The following ASH1L variants were observed in gnomAD, a reference collection of about 807,000 sequenced individuals.
ASH1L encodes the protein histone-lysine N-methyltransferase ASH1L.
In ASH1L, 23 loss-of-function variants were observed where a neutral mutation model predicts 269.0. The observed-to-expected ratio is 0.09, with a 90% CI of 0.06 to 0.12. The LOEUF is 0.12. Ranked by LOEUF, ASH1L falls within the 10% of genes least tolerant of loss-of-function variation. The pLI, the probability that ASH1L is intolerant of heterozygous loss-of-function variation, is 1.00. For synonymous variants in ASH1L, 1,187 were observed against 1,253.5 expected (o/e 0.95, Z 1.12); for missense variants, 2,912 against 3,567.8 (o/e 0.82, Z 4.68).
At chr1:155,498,686 C>T (rs1319915109) in intron 2 of ASH1L, among the ~76,000 whole-genome samples, 1 of 151,942 alleles carries the variant, frequency 6.6e-6, no homozygotes, top group East Asian at 1.9e-4. Flanking sequence ...GGTAATCTGC[C>T]TGCCTCAGCC....
chr1:155,537,484 C>T (rs1229221502), intron 1 of ASH1L, among the ~76,000 whole-genome samples: 6 of 152,100 alleles, frequency 3.9e-5, no homozygotes, highest in Admixed American at 2.6e-4. Context: ...GGCTTCGAAA[C>T]GTGATTAACT....
In ASH1L at chr1:155,341,032, C is replaced by T. The variant is rs141065900; in HGVS notation, c.8460+904G>A. Among the ~76,000 whole-genome samples the T allele has an allele frequency of 9.6e-3, 1,453 of 152,124 alleles. 26 individuals carry two copies. The highest frequency in any genetic ancestry group is 0.032 in the African/African-American group (1,319 of 41,488). On this transcript the variant is annotated intron_variant, in intron 25 of 27. Coordinates refer to ENST00000392403, the MANE Select transcript of ASH1L (RefSeq NM_018489.3). ...TGTCACCCAAGCTGGAGTGCAATGG[C>T]GCGATCTTGGCTCACTGCAATCTCT...
At chr1:155,391,622 C>T (rs1030615451) in intron 7 of ASH1L, among the ~76,000 whole-genome samples, 10 of 152,076 alleles carry the variant, frequency 6.6e-5, no homozygotes, top group Non-Finnish European at 1.2e-4. Flanking sequence ...ATAAGTAATA[C>T]GTTACAGAGA....
chr1:155,365,372 ATTTTTT>A (rs142145021), intron 12 of ASH1L, among the ~76,000 whole-genome samples: 34,499 of 123,970 alleles, frequency 0.28, 4,701 homozygotes, highest in East Asian at 0.7. Flanking sequence ...TGCCCGGCTG[ATTTTTT>A]TTTTTTTTTT....
In ASH1L at chr1:155,562,282, A is replaced by G. The variant is rs1672043536; in HGVS notation, c.-229T>C. The G allele has an allele frequency of 8.7e-6, 14 of 1,605,330 alleles. No individual in the cohort carries two copies. The highest frequency in any genetic ancestry group is 1.2e-5 in the Non-Finnish European group (14 of 1,172,560). The stretch of plus-strand genomic sequence containing the variant: ...CCCTCCCGCTTGTCAGGAGGCGGCC[A>G]GCGGGTAAGCTGACTGGCGGAAATG... On this transcript the variant is annotated 5_prime_UTR_variant, in exon 1 of 28. Transcript: ENST00000392403.
At chr1:155,344,107 T>C (rs1337583300) in intron 22 of ASH1L, 76 bp downstream of exon 22, 24 of 1,292,202 alleles carry the variant, frequency 1.9e-5, no homozygotes, top group African/African-American at 2.9e-5. Flanking sequence ...ACAATGACTA[T>C]GATGGAGACA....
At chr1:155,345,568 CAG>C (rs1396362676) in intron 21 of ASH1L, among the ~76,000 whole-genome samples, 11 of 142,988 alleles carry the variant, frequency 7.7e-5, no homozygotes, top group Non-Finnish European at 1.4e-4. Flanking sequence ...CCACCATGCC[CAG>C]CTTTTTTTTT....
chr1:155,399,465 A>T (rs1453117169), intron 6 of ASH1L, among the ~76,000 whole-genome samples: 1 of 152,204 alleles, frequency 6.6e-6, no homozygotes, highest in African/African-American at 2.4e-5. Context: ...TAACATGGCT[A>T]AACCTTATCT....
intron 3 of ASH1L, among the ~76,000 whole-genome samples, chr1:155,464,093 G>A (rs1664506423): frequency 6.6e-6 from 1 of 152,122 alleles, no homozygotes; most frequent in South Asian, 2.1e-4. Flanking sequence ...GGAGAAAGTA[G>A]TTTTCTGCTT....
intron 3 of ASH1L, among the ~76,000 whole-genome samples, chr1:155,463,685 C>T (rs936793327): frequency 6.6e-6 from 1 of 152,082 alleles, no homozygotes; most frequent in African/African-American, 2.4e-5. Context: ...GTCCCAGTTA[C>T]TTGGGAGGCT....
intron 3 of ASH1L, among the ~76,000 whole-genome samples, chr1:155,476,310 C>T (rs920435340): frequency 8.6e-5 from 13 of 151,778 alleles, no homozygotes; most frequent in Admixed American, 5.2e-4. Context: ...CGCTTGAACC[C>T]GGGAGGCGGA....
Position 155,453,219 on chromosome 1 carries a change from G to A in ASH1L, c.5086+6578C>T, listed in dbSNP as rs1471243666. ...AAAATACAAAACTTAGCCAGGCGTG[G>A]TAGCACACACCTATAGTCCCAGCTA... On this transcript the variant is annotated intron_variant, in intron 4 of 27. Coordinates refer to ENST00000392403, the MANE Select transcript of ASH1L (RefSeq NM_018489.3). Among the ~76,000 whole-genome samples, 4 of 152,172 alleles carry A rather than the reference G, an allele frequency of 2.6e-5. No homozygotes were observed. In the East Asian group the frequency reaches 7.7e-4, roughly 29 times the overall value.
rs570003514 is a variant in ASH1L, at chr1:155,402,067, G to T, written c.6009-6514C>A. Among the ~76,000 whole-genome samples the T allele has an allele frequency of 2.1e-4, 32 of 152,142 alleles. No homozygotes were observed. The East Asian group carries it at 6.2e-3, about 29-fold the overall frequency. On this transcript the variant is annotated intron_variant, in intron 6 of 27. Transcript: ENST00000392403. ...GTTGCACCACTGCACACCAGCCTGG[G>T]TGACAGAGCAAGACTGTCTAAAAAA...
chr1:155,526,248 G>C (rs1185657960), intron 1 of ASH1L, among the ~76,000 whole-genome samples: 1 of 152,164 alleles, frequency 6.6e-6, no homozygotes, highest in Admixed American at 6.5e-5. Flanking sequence ...TAAGGTTCCT[G>C]TAACTTCTAA....
intron 2 of ASH1L, among the ~76,000 whole-genome samples, chr1:155,493,219 G>A (rs1407502694): frequency 6.6e-6 from 1 of 152,086 alleles, no homozygotes; most frequent in African/African-American, 2.4e-5. Context: ...TCATCGGACT[G>A]TTTTTCCATA....
At chr1:155,433,835 G>A (rs1161883364) in intron 5 of ASH1L, 1 of 1,606,928 alleles carries the variant, frequency 6.2e-7, no homozygotes, top group South Asian at 1.1e-5. Context: ...AAATCTTCAG[G>A]AGACATGCAA....
Position 155,438,958 on chromosome 1 carries a change from T to G in ASH1L, c.5197A>C (p.Ser1733Arg). Reference sequence around the variant, plus strand: ...GCAGTTGCAATCACAGCATCAATACTTTTCTCCATGGGCTCTTGGTCCTCA... The same window carrying G: ...GCAGTTGCAATCACAGCATCAATACGTTTCTCCATGGGCTCTTGGTCCTCA... ...QNEDQEPMEK[S>R]IDAVIATASA... is the part of the protein sequence containing the mutation. Residue 1733 changes from serine (S) to arginine (R), a missense_variant, in exon 5 of 28, where the codon AGT (serine) becomes CGT (arginine). By Grantham distance (110) the Ser-to-Arg change is moderately radical. This residue lies in a region of ASH1L where 789 missense variants were observed against 897.6 expected (regional missense o/e 0.88). Transcript: ENST00000392403. The G allele has an allele frequency of 1.2e-6, 2 of 1,614,150 alleles. No individual in the cohort carries two copies. Among genetic ancestry groups the G allele is most frequent in the Non-Finnish European group, 1.7e-6 (2 of 1,180,020 alleles).
intron 6 of ASH1L, among the ~76,000 whole-genome samples, chr1:155,405,920 T>C (rs1659243794): frequency 6.6e-6 from 1 of 151,454 alleles, no homozygotes; most frequent in Non-Finnish European, 1.5e-5. Flanking sequence ...ACAGCAAAAC[T>C]TGGCCAGGTG....
At chr1:155,514,240 C>G (rs1032187089) in intron 2 of ASH1L, among the ~76,000 whole-genome samples, 8 of 152,234 alleles carry the variant, frequency 5.3e-5, no homozygotes, top group Non-Finnish European at 1.2e-4. Context: ...GTGCATCTAC[C>G]TAATGCCACA....
Sources: gnomAD v4.1 joint callset for allele counts (sites outside exome capture counted in the v4.1 genomes callset) on GRCh38, gnomAD v4.1.1 for gene constraint, gnomAD v4.1.1 regional missense constraint, MANE v1.5 for transcripts, NCBI Gene and HGNC (gene_info 2026-07-23, HGNC 2026-07-21) for gene names.